C1orf174: variants seen among roughly 807,000 people sequenced by gnomAD.
C1orf174 encodes the protein UPF0688 protein C1orf174.
C1orf174 carries 13 observed loss-of-function variants against 18.4 expected under a neutral mutation model. The ratio of observed to expected loss-of-function variants is 0.71; its 90% CI spans 0.46 to 1.12. C1orf174 has a LOEUF of 1.12. C1orf174 is among the 50% of genes most tolerant of loss of function. The pLI is 0.00. For missense variants in C1orf174, 309 were observed against 308.0 expected (o/e 1.00, Z -0.02); for synonymous variants, 100 against 118.3 (o/e 0.85, Z 1.01).
intron 2 of C1orf174, 143 bp downstream of exon 2, chr1:3,892,740 C>T: frequency 1.4e-6 from 2 of 1,472,116 alleles, no homozygotes; most frequent in Non-Finnish European, 1.8e-6. Flanking sequence ...AGTGCTGTCA[C>T]CTTTTCATCT....
chr1:3,899,405 G>C (rs1418493364), intron 1 of C1orf174, among the ~76,000 whole-genome samples: 1 of 152,226 alleles, frequency 6.6e-6, no homozygotes, highest in Non-Finnish European at 1.5e-5. Context: ...AGCCTCCCAA[G>C]TGGACCGGGA....
intron 2 of C1orf174, 36 bp from the exon 3 acceptor site, chr1:3,891,093 A>C (rs1171508986): frequency 1.3e-6 from 2 of 1,569,904 alleles, no homozygotes; most frequent in Non-Finnish European, 1.7e-6. Context: ...AACCAGACAT[A>C]TCTAGCAAAT....
At chr1:3,898,009 CAA>C (rs1417386124) in intron 1 of C1orf174, among the ~76,000 whole-genome samples, 1 of 152,028 alleles carries the variant, frequency 6.6e-6, no homozygotes, top group Non-Finnish European at 1.5e-5. Context: ...AGGATACATG[CAA>C]AGAGATCCAC....
In C1orf174 at chr1:3,890,557, C is replaced by T. The variant is rs1388440641; in HGVS notation, c.618+12G>A. ...CTGAGTACCCACGGGAGGAGGAAGG[C>T]GCCGCTCTTACCTGCATGAGCTCAA... is the stretch of plus-strand genomic sequence containing the variant. On this transcript the variant is annotated intron_variant, in intron 3 of 3. Transcript: ENST00000361605. 6 of 1,612,602 alleles carry T rather than the reference C, an allele frequency of 3.7e-6. No homozygotes were observed. The highest frequency in any genetic ancestry group is 1.3e-5 in the African/African-American group (1 of 75,006).
chr1:3,892,667 T>G (rs1308830209), intron 2 of C1orf174: 6 of 1,391,998 alleles, frequency 4.3e-6, no homozygotes, highest in Non-Finnish European at 5.6e-6. Context: ...CACACACGGG[T>G]GGGCGGGTGC....
At chr1:3,896,282 A>G (rs1638604201) in intron 1 of C1orf174, 1 of 152,714 alleles carries the variant, frequency 6.5e-6, no homozygotes, top group African/African-American at 2.4e-5. Context: ...GCTCCATTCT[A>G]CCAGTACGGT....
intron 1 of C1orf174, among the ~76,000 whole-genome samples, chr1:3,899,143 C>A (rs931749938): frequency 1.3e-5 from 2 of 152,118 alleles, no homozygotes; most frequent in African/African-American, 4.8e-5. Flanking sequence ...AAAAGACAGA[C>A]TTGTATAAAG....
intron 1 of C1orf174, among the ~76,000 whole-genome samples, chr1:3,894,479 C>T (rs965045352): frequency 4.4e-4 from 66 of 151,498 alleles, no homozygotes; most frequent in African/African-American, 1.5e-3. Context: ...TGGTGGTGGG[C>T]GCCTGTAGTC....
At chr1:3,896,555 C>T (rs781407007) in intron 1 of C1orf174, among the ~76,000 whole-genome samples, 2 of 152,212 alleles carry the variant, frequency 1.3e-5, no homozygotes, top group Non-Finnish European at 2.9e-5. Context: ...AAATTCCCTG[C>T]CATGGAATGT....
rs746761919 is a variant in C1orf174 at position 3,893,129 on chromosome 1, C to T, written c.16-133G>A. 133 of 921,384 alleles carry T rather than the reference C, an allele frequency of 1.4e-4. 1 individual carries two copies. The highest frequency in any genetic ancestry group is 6.4e-4 in the South Asian group (37 of 58,262). 57.1% of individuals were successfully genotyped at this position (921,384 alleles called of 1,614,324 possible). On this transcript the variant is annotated intron_variant, in intron 1 of 3. Transcript: ENST00000361605. ...CAGGATTTTATCATCTTTGTGGAGA[C>T]AGCTGTGGCCCGAATGTGTAAATCC...
intron 1 of C1orf174, 94 bp from the exon 2 acceptor site, chr1:3,893,090 G>A (rs1638544860): frequency 4.5e-6 from 6 of 1,336,604 alleles, no homozygotes; most frequent in African/African-American, 1.5e-5. Flanking sequence ...CCCGAAGACC[G>A]CCCCTCCCAC....
At chr1:3,895,985 G>T in intron 1 of C1orf174, 1 of 152,756 alleles carries the variant, frequency 6.5e-6, no homozygotes, top group Non-Finnish European at 1.5e-5. Flanking sequence ...GGTCCTATGG[G>T]CACCCAGCAA....
Position 3,890,863 on chromosome 1 carries a change from A to C in C1orf174, c.324T>G (p.Ala108=). Residue 108 remains alanine, a synonymous_variant, in exon 3 of 4, where the codon GCT becomes GCG. Coordinates refer to ENST00000361605, the MANE Select transcript of C1orf174 (RefSeq NM_207356.3). ...EGSALLPGSE[A]GVSVQQGAAS... is the part of the protein sequence containing the mutation. The stretch of plus-strand genomic sequence containing the variant: ...CAGCCCCCTGCTGCACAGAAACGCC[A>C]GCCTCGCTGCCTGGAAGCAAGGCAC... 6.2e-7 allele frequency: 1 copy of C among 1,613,764 alleles called. No individual in the cohort carries two copies. The highest frequency in any genetic ancestry group is 8.5e-7 in the Non-Finnish European group (1 of 1,180,010).
At chr1:3,898,963 C>A (rs574724689) in intron 1 of C1orf174, among the ~76,000 whole-genome samples, 1 of 152,090 alleles carries the variant, frequency 6.6e-6, no homozygotes, top group East Asian at 1.9e-4. Flanking sequence ...TAACCTAGTA[C>A]AAATCTGAAG....
rs1638474238 is a variant in C1orf174 at position 3,890,027 on chromosome 1, T to A, written c.665A>T (p.Glu222Val). 6.2e-7 allele frequency: 1 copy of A among 1,614,226 alleles called. No individual in the cohort carries two copies. Among genetic ancestry groups the A allele is most frequent in the African/African-American group, 1.3e-5 (1 of 75,066 alleles). The change falls in exon 4 of 4, where the codon GAG (glutamate) becomes GTG (valine). Residue 222 changes from glutamate (E) to valine (V), a missense_variant. Coordinates refer to ENST00000361605, the MANE Select transcript of C1orf174 (RefSeq NM_207356.3). ...SSSCPSMSRR[E>V]FRKMHFRAKD... Reference sequence around the variant, plus strand: ...GGCTCTGAAATGCATTTTTCTGAACTCTCGTCTGCTCATTGAAGGACAAGA... The same window carrying A: ...GGCTCTGAAATGCATTTTTCTGAACACTCGTCTGCTCATTGAAGGACAAGA...
rs1411641326 is a variant in C1orf174 at position 3,900,267 on chromosome 1, C to G, written c.-81G>C. On this transcript the variant is annotated 5_prime_UTR_variant, in exon 1 of 4. Coordinates refer to ENST00000361605, the MANE Select transcript of C1orf174 (RefSeq NM_207356.3). The stretch of plus-strand genomic sequence containing the variant: ...GCGGCGACCCGGAGTCTGCAGAGCG[C>G]GCCGCGGCGGCGTCCGACGTCAGCA... The G allele has an allele frequency of 7.0e-7, 1 of 1,436,508 alleles. No individual in the cohort carries two copies. Among genetic ancestry groups the G allele is most frequent in the African/African-American group, 1.5e-5 (1 of 66,162 alleles). 89.0% of individuals were successfully genotyped at this position (1,436,508 alleles called of 1,614,324 possible). A position where few individuals can be genotyped will look rare whatever the true frequency, so the allele number is the denominator to read the frequency against.
At position 3,900,226 on chromosome 1, in the gene C1orf174, A is replaced by G. The variant is rs1480539852; in HGVS notation, c.-40T>C. 1.3e-6 allele frequency: 2 copies of G among 1,541,398 alleles called. No homozygotes were observed. Among genetic ancestry groups the G allele is most frequent in the Non-Finnish European group, 1.7e-6 (2 of 1,155,448 alleles). On this transcript the variant is annotated 5_prime_UTR_variant, in exon 1 of 4. Coordinates refer to ENST00000361605, the MANE Select transcript of C1orf174 (RefSeq NM_207356.3). Reference sequence around the variant, plus strand: ...CAGCCAAGCACCGCGCGCCCCGGCCAACGCGTCCCGGCGGAGCGGCGACCC... The same window carrying G: ...CAGCCAAGCACCGCGCGCCCCGGCCGACGCGTCCCGGCGGAGCGGCGACCC...
chr1:3,889,704 A>AG lies in C1orf174; in HGVS notation c.*255_*256insC. ...GAGAGAAACTCTGTCTCCAAGGAAA[A>AG]AAAAAAAAAAAAAAAAAGAAAGGAC... On this transcript the variant is annotated 3_prime_UTR_variant, in exon 4 of 4. Coordinates refer to ENST00000361605, the MANE Select transcript of C1orf174 (RefSeq NM_207356.3). 1 of 229,486 alleles carries AG rather than the reference A, an allele frequency of 4.4e-6. No individual in the cohort carries two copies. The highest frequency in any genetic ancestry group is 8.6e-6 in the Non-Finnish European group (1 of 115,610). 14.2% of individuals were successfully genotyped at this position (229,486 alleles called of 1,614,324 possible). A position where few individuals can be genotyped will look rare whatever the true frequency, so the allele number is the denominator to read the frequency against.
intron 1 of C1orf174, among the ~76,000 whole-genome samples, chr1:3,897,916 G>C (rs1390294810): frequency 6.6e-6 from 1 of 152,138 alleles, no homozygotes; most frequent in Non-Finnish European, 1.5e-5. Context: ...GCCTGCCTCA[G>C]CCTCCCAAAG....
Sources: allele counts gnomAD v4.1 joint callset (sites outside exome capture counted in the v4.1 genomes callset), GRCh38; gene constraint gnomAD v4.1.1; transcripts MANE v1.5; gene names NCBI Gene and HGNC (gene_info 2026-07-23, HGNC 2026-07-21).